The following RAB23 variants were observed in gnomAD, a reference collection of about 807,000 sequenced individuals.
The protein encoded by RAB23 is ras-related protein Rab-23.
Under a neutral mutation model 30.0 loss-of-function variants are expected in RAB23, and 15 were observed. The observed-to-expected ratio is 0.50, with a 90% CI of 0.33 to 0.77. RAB23 has a LOEUF of 0.77. RAB23 is among the 30% of genes least tolerant of loss of function. The pLI is 0.02. For missense variants in RAB23, 243 were observed against 275.4 expected, an observed-to-expected ratio of 0.88 and a Z score of 0.83; for synonymous variants, 93 against 94.0, an observed-to-expected ratio of 0.99 and a Z score of 0.06.
chr6:57,220,868 A>G (rs1766030789), intron 1 of RAB23, among the ~76,000 whole-genome samples: 1 of 152,106 alleles, frequency 6.6e-6, no homozygotes, highest in Admixed American at 6.6e-5. Flanking sequence ...TTAAAATAAT[A>G]AATTAATTTC....
intron 1 of RAB23, 53 bp from the exon 2 acceptor site, chr6:57,210,498 A>G (rs1194759470): frequency 2.6e-6 from 3 of 1,142,652 alleles, no homozygotes; most frequent in East Asian, 2.4e-5. Context: ...TACAAAATAA[A>G]CTAATTGTTT....
intron 3 of RAB23, among the ~76,000 whole-genome samples, chr6:57,206,988 G>T (rs147287774): frequency 1.3e-5 from 2 of 152,258 alleles, no homozygotes; most frequent in African/African-American, 4.8e-5. Flanking sequence ...TTGTTACTGT[G>T]TTCTCTCACT....
At chr6:57,216,285 A>G in intron 1 of RAB23, among the ~76,000 whole-genome samples, 1 of 152,226 alleles carries the variant, frequency 6.6e-6, no homozygotes, top group Non-Finnish European at 1.5e-5. Context: ...CCCATCATTA[A>G]GCAATGCATG....
intron 1 of RAB23, among the ~76,000 whole-genome samples, chr6:57,218,308 A>G (rs1173769551): frequency 2.0e-5 from 3 of 152,246 alleles, no homozygotes; most frequent in Non-Finnish European, 4.4e-5. Flanking sequence ...AATCTTCAAC[A>G]AAGTATTAAT....
chr6:57,196,496 G>A lies in RAB23; in HGVS notation c.352C>T (p.Leu118Phe), dbSNP rs1021101111. The A allele has an allele frequency of 4.3e-6, 7 of 1,613,806 alleles. No individual in the cohort carries two copies. Among genetic ancestry groups the A allele is most frequent in the Non-Finnish European group, 4.2e-6 (5 of 1,179,948 alleles). Residue 118 changes from leucine to phenylalanine, a missense_variant, in exon 4 of 7, where the codon CTT becomes TTT. Transcript: ENST00000468148. ...VAEVGDIPTV[L>F]VQNKIDLLDD... is the part of the protein sequence containing the mutation. ...AGAAGATCAATCTTGTTTTGCACAA[G>A]TACAGTTGGTATATCTCCCACTTCG... is the stretch of plus-strand genomic sequence containing the variant.
In RAB23 at chr6:57,190,056, C is replaced by A; in HGVS notation, c.*405G>T. 1 of 228,904 alleles carries A rather than the reference C, an allele frequency of 4.4e-6. No homozygotes were observed. Among genetic ancestry groups the A allele is most frequent in the Non-Finnish European group, 8.7e-6 (1 of 114,668 alleles). 14.2% of individuals were successfully genotyped at this position (228,904 alleles called of 1,614,324 possible). On this transcript the variant is annotated 3_prime_UTR_variant, in exon 7 of 7. Transcript: ENST00000468148. Reference sequence around the variant, plus strand: ...AAAGTATTCAGATTCAATACTATTTCGCAGAAAAGCTACATGACCAATTTC... The same window carrying A: ...AAAGTATTCAGATTCAATACTATTTAGCAGAAAAGCTACATGACCAATTTC...
intron 3 of RAB23, among the ~76,000 whole-genome samples, chr6:57,207,214 G>C (rs1457508655): frequency 1.3e-5 from 2 of 152,150 alleles, no homozygotes; most frequent in African/African-American, 2.4e-5. Context: ...ATACTTCTCT[G>C]AACTCCTACA....
intron 1 of RAB23, among the ~76,000 whole-genome samples, chr6:57,215,976 C>T (rs1172758702): frequency 6.6e-6 from 1 of 152,190 alleles, no homozygotes; most frequent in African/African-American, 2.4e-5. Context: ...TACAGTCATG[C>T]ACCACATAAC....
chr6:57,203,009 T>TTTC (rs1658145962), intron 3 of RAB23, among the ~76,000 whole-genome samples: 2 of 140,454 alleles, frequency 1.4e-5, no homozygotes, highest in Non-Finnish European at 3.1e-5. Flanking sequence ...TGTTTTTTTT[T>TTTC]TTTTTTTTTT....
chr6:57,220,769 G>A (rs948145624), intron 1 of RAB23, among the ~76,000 whole-genome samples: 1 of 151,788 alleles, frequency 6.6e-6, no homozygotes, highest in South Asian at 2.1e-4. Context: ...CGATAGATTT[G>A]TTCTACATCC....
rs763680429 is a variant in RAB23, at chr6:57,194,825, C to T, written c.426G>A (p.Arg142=). 7 of 1,613,422 alleles carry T rather than the reference C, an allele frequency of 4.3e-6. No homozygotes were observed. The East Asian group carries it at 1.6e-4, about 36-fold the overall frequency. Residue 142 remains arginine, a synonymous_variant, in exon 5 of 7, where the codon AGG becomes AGA. Transcript: ENST00000468148. ...KNEEAEALAK[R]LKLRFYRTSV... ...ATGTTCTGTAGAATCTTAACTTTAA[C>T]CTTTTTGCCAGTGCCTCAGCTTCCT... is the stretch of plus-strand genomic sequence containing the variant.
At chr6:57,203,589 G>A (rs1765348133) in intron 3 of RAB23, among the ~76,000 whole-genome samples, 1 of 152,156 alleles carries the variant, frequency 6.6e-6, no homozygotes, top group African/African-American at 2.4e-5. Context: ...AGTGTGTGGG[G>A]AAGGTAGTGG....
intron 3 of RAB23, among the ~76,000 whole-genome samples, chr6:57,204,303 A>C (rs1197411484): frequency 6.6e-6 from 1 of 152,200 alleles, no homozygotes; most frequent in East Asian, 1.9e-4. Flanking sequence ...ATACTGGTAT[A>C]CTGCTATTCA....
At chr6:57,218,801 G>A (rs1765943973) in intron 1 of RAB23, among the ~76,000 whole-genome samples, 1 of 151,276 alleles carries the variant, frequency 6.6e-6, no homozygotes, top group African/African-American at 2.4e-5. Flanking sequence ...GCAGTGAGCT[G>A]AGATCGTGTG....
intron 3 of RAB23, among the ~76,000 whole-genome samples, chr6:57,201,318 G>A (rs1168282685): frequency 1.3e-5 from 2 of 152,012 alleles, no homozygotes. Flanking sequence ...CCTGACCTCA[G>A]GTGATCCGCC....
chr6:57,207,825 C>A, intron 2 of RAB23, 112 bp from the exon 3 acceptor site: 1 of 725,862 alleles, frequency 1.4e-6, no homozygotes, highest in Non-Finnish European at 2.3e-6. Flanking sequence ...ACAAATGCTC[C>A]TTGACTTATG....
At chr6:57,197,527 A>C (rs1765070204) in intron 3 of RAB23, among the ~76,000 whole-genome samples, 1 of 152,156 alleles carries the variant, frequency 6.6e-6, no homozygotes, top group Admixed American at 6.5e-5. Context: ...CCTTCCTTAC[A>C]CATCCCTCTG....
intron 6 of RAB23, among the ~76,000 whole-genome samples, chr6:57,192,336 C>A (rs1764871096): frequency 6.6e-6 from 1 of 152,168 alleles, no homozygotes; most frequent in Admixed American, 6.5e-5. Context: ...ACACAAAATT[C>A]TGGGCCAGAG....
intron 1 of RAB23, 99 bp downstream of exon 1, chr6:57,221,626 TG>T (rs1490303586): frequency 6.6e-6 from 1 of 152,400 alleles, no homozygotes; most frequent in Non-Finnish European, 1.5e-5. Flanking sequence ...AGTCGGGACT[TG>T]GGGCAGGCAA....
Sources: gnomAD v4.1 joint callset for allele counts (sites outside exome capture counted in the v4.1 genomes callset) on GRCh38, gnomAD v4.1.1 for gene constraint, MANE v1.5 for transcripts, NCBI Gene and HGNC (gene_info 2026-07-23, HGNC 2026-07-21) for gene names.